Variants in TMC1 observed in about 807,000 individuals in gnomAD.
TMC1 encodes the protein transmembrane channel like 1.
In TMC1, 84 loss-of-function variants were observed where a neutral mutation model predicts 105.8. The observed-to-expected ratio is 0.79, with a 90% CI of 0.67 to 0.95. TMC1 has a LOEUF of 0.95. Ranked by LOEUF, TMC1 falls within the 40% of genes least tolerant of loss-of-function variation. The pLI is 0.00. For missense variants in TMC1, 817 were observed against 914.1 expected (o/e 0.89, Z 1.37); for synonymous variants, 315 against 311.5 (o/e 1.01, Z -0.12).
intron 2 of TMC1, among the ~76,000 whole-genome samples, chr9:72,583,562 A>G (rs1824505796): frequency 6.6e-6 from 1 of 152,192 alleles, no homozygotes; most frequent in South Asian, 2.1e-4. Context: ...CTTATACAAG[A>G]GCTTTTGTTT....
At chr9:72,785,371 T>C (rs1323666268) in intron 13 of TMC1, among the ~76,000 whole-genome samples, 4 of 152,226 alleles carry the variant, frequency 2.6e-5, no homozygotes, top group Non-Finnish European at 4.4e-5. Flanking sequence ...CTATCATTAA[T>C]TTCTTTTTTC....
intron 12 of TMC1, among the ~76,000 whole-genome samples, chr9:72,761,934 T>G (rs1260902706): frequency 6.6e-6 from 1 of 152,186 alleles, no homozygotes; most frequent in Non-Finnish European, 1.5e-5. Context: ...GCATCTTTAT[T>G]TGAAAAGGTG....
chr9:72,751,790 T>C, intron 10 of TMC1, 60 bp from the exon 11 acceptor site: 1 of 1,091,610 alleles, frequency 9.2e-7, no homozygotes, highest in Admixed American at 1.7e-5. Context: ...AAGACAAAGC[T>C]CTTTTTGTTT....
At chr9:72,706,963 T>C (rs3006244) in intron 8 of TMC1, among the ~76,000 whole-genome samples, 78,836 of 151,742 alleles carry the variant, frequency 0.52, 22,041 homozygotes, top group African/African-American at 0.75. Flanking sequence ...TTAGTAGAGA[T>C]GGGGTTTTGC....
chr9:72,620,360 G>A (rs1825224851), intron 3 of TMC1, among the ~76,000 whole-genome samples: 3 of 151,900 alleles, frequency 2.0e-5, no homozygotes, highest in Admixed American at 6.6e-5. Flanking sequence ...TTTCACCTCA[G>A]CCTCCTGAGT....
chr9:72,680,036 C>T (rs941883935), intron 5 of TMC1, among the ~76,000 whole-genome samples: 6 of 152,080 alleles, frequency 3.9e-5, no homozygotes, highest in African/African-American at 1.2e-4. Context: ...CAAATCCACA[C>T]ATCTCAATCA....
chr9:72,732,517 A>C (rs1271733269), intron 8 of TMC1, among the ~76,000 whole-genome samples: 1 of 150,450 alleles, frequency 6.6e-6, no homozygotes, highest in Non-Finnish European at 1.5e-5. Context: ...TTGAGCCAAG[A>C]TTGCACCACT....
At position 72,661,750 on chromosome 9, in the gene TMC1, TTAAAACAA is replaced by T. The variant is rs555270883; in HGVS notation, c.16+13087_16+13094del. Among the ~76,000 whole-genome samples, 527 of 152,372 alleles carry T rather than the reference TTAAAACAA, an allele frequency of 3.5e-3. 4 individuals are homozygous for T. Among genetic ancestry groups the T allele is most frequent in the African/African-American group, 0.012 (491 of 41,596 alleles). Reference sequence around the variant, plus strand: ...AATTTTGAGTTTCCTTTTATACTTTTTAAAACAAATTTTTGAAATTAAATTACATTTTG... The same window carrying T: ...AATTTTGAGTTTCCTTTTATACTTTTATTTTTGAAATTAAATTACATTTTG... On this transcript the variant is annotated intron_variant, in intron 5 of 23. Transcript: ENST00000297784.
intron 5 of TMC1, among the ~76,000 whole-genome samples, chr9:72,661,710 C>T (rs961086414): frequency 6.6e-6 from 1 of 152,126 alleles, no homozygotes; most frequent in African/African-American, 2.4e-5. Context: ...AACACTTGGC[C>T]AGATAATTTT....
In TMC1 at chr9:72,568,664, AT is replaced by A. The variant is rs981846970; in HGVS notation, c.-427-9231del. 8.6e-5 allele frequency among the ~76,000 whole-genome samples: 10 copies of A among 115,686 alleles called. 1 individual carries two copies. The South Asian group carries it at 2.0e-3, about 23-fold the overall frequency. 75.9% of individuals were successfully genotyped at this position (115,686 alleles called of 152,430 possible). A position where few individuals can be genotyped will look rare whatever the true frequency, so the allele number is the denominator to read the frequency against. On this transcript the variant is annotated intron_variant, in intron 1 of 23. Transcript: ENST00000297784. ...ATTTTGAGTCTTGAGAAATTTGTTTATTTTTTTCATTATTATACAATGTCAA... is the reference window on the plus strand; with the variant it reads ...ATTTTGAGTCTTGAGAAATTTGTTTATTTTTTCATTATTATACAATGTCAA...
intron 1 of TMC1, among the ~76,000 whole-genome samples, chr9:72,559,391 G>T (rs770307775): frequency 6.6e-6 from 1 of 152,160 alleles, no homozygotes; most frequent in Non-Finnish European, 1.5e-5. Context: ...ACTGTGCCTG[G>T]CAAGAGATAG....
intron 3 of TMC1, among the ~76,000 whole-genome samples, chr9:72,619,048 A>T (rs963100251): frequency 6.6e-6 from 1 of 152,198 alleles, no homozygotes; most frequent in African/African-American, 2.4e-5. Context: ...GGAGAATTGG[A>T]TGTTTTCAGA....
At chr9:72,636,917 CAA>C (rs1825543980) in intron 4 of TMC1, among the ~76,000 whole-genome samples, 1 of 152,032 alleles carries the variant, frequency 6.6e-6, no homozygotes, top group Non-Finnish European at 1.5e-5. Flanking sequence ...GGGCAGATGA[CAA>C]GAGAGATTGC....
intron 2 of TMC1, among the ~76,000 whole-genome samples, chr9:72,615,520 G>A (rs940606609): frequency 1.1e-4 from 16 of 152,270 alleles, no homozygotes; most frequent in South Asian, 4.1e-4. Context: ...AATAAGCTGC[G>A]TGATCTTAGG....
intron 5 of TMC1, among the ~76,000 whole-genome samples, chr9:72,682,697 A>T (rs1826307192): frequency 6.6e-6 from 1 of 152,190 alleles, no homozygotes; most frequent in South Asian, 2.1e-4. Flanking sequence ...TCTACTTCAC[A>T]ACCACCAATA....
intron 1 of TMC1, among the ~76,000 whole-genome samples, chr9:72,548,023 C>T (rs561358748): frequency 5.1e-4 from 78 of 152,226 alleles, no homozygotes; most frequent in Middle Eastern, 3.4e-3. Flanking sequence ...CTTAGAAGAA[C>T]ATTAATCCTA....
rs138621123 is a variant in TMC1 at position 72,557,012 on chromosome 9, G to A, written c.-427-20890G>A. Among the ~76,000 whole-genome samples, 947 of 152,236 alleles carry A rather than the reference G, an allele frequency of 6.2e-3. 13 individuals carry two copies. The highest frequency in any genetic ancestry group is 0.022 in the African/African-American group (911 of 41,544). ...TGAACATCCTGCAGTGCACAGGACA[G>A]CCCCTGACAGCATTAAACAGTCCAA... On this transcript the variant is annotated intron_variant, in intron 1 of 23. Transcript: ENST00000297784.
intron 5 of TMC1, among the ~76,000 whole-genome samples, chr9:72,674,606 C>G (rs1367497027): frequency 6.6e-6 from 1 of 152,208 alleles, no homozygotes; most frequent in Non-Finnish European, 1.5e-5. Context: ...CTGGGCCCAT[C>G]CCAGACCTAC....
intron 18 of TMC1, among the ~76,000 whole-genome samples, chr9:72,814,144 CATG>C (rs1209761939): frequency 6.6e-6 from 1 of 152,158 alleles, no homozygotes; most frequent in African/African-American, 2.4e-5. Context: ...TGGGCCACCT[CATG>C]ATACCATTCT....
Sources: allele counts gnomAD v4.1 joint callset (sites outside exome capture counted in the v4.1 genomes callset), GRCh38; gene constraint gnomAD v4.1.1; transcripts MANE v1.5; gene names NCBI Gene and HGNC (gene_info 2026-07-23, HGNC 2026-07-21).